Variants in TAOK3 observed in about 807,000 individuals in gnomAD.
The protein encoded by TAOK3 is serine/threonine-protein kinase TAO3.
TAOK3 carries 40 observed loss-of-function variants against 120.4 expected under a neutral mutation model. The ratio of observed to expected loss-of-function variants is 0.33; its 90% CI spans 0.26 to 0.43. The LOEUF (loss-of-function observed/expected upper bound fraction) is 0.43, where lower values mean the gene tolerates loss of function less well. Among genes scored for constraint, TAOK3 ranks in the 20% least tolerant of loss-of-function variants. The probability of loss-of-function intolerance (pLI) is 1.00; values close to 1 mark genes in which losing one functional copy is unlikely to be tolerated. For synonymous variants in TAOK3, 355 were observed against 387.5 expected (o/e 0.92, Z 0.99); for missense variants, 821 against 1,112.1 (o/e 0.74, Z 3.72).
At chr12:118,333,468 G>C (rs1448868350) in intron 1 of TAOK3, among the ~76,000 whole-genome samples, 1 of 152,162 alleles carries the variant, frequency 6.6e-6, no homozygotes, top group Non-Finnish European at 1.5e-5. Context: ...CAAAATTTGT[G>C]CAATGCAACT....
At chr12:118,275,038 G>A (rs2041857394) in intron 1 of TAOK3, among the ~76,000 whole-genome samples, 1 of 152,108 alleles carries the variant, frequency 6.6e-6, no homozygotes, top group Non-Finnish European at 1.5e-5. Context: ...TAAGAATGGT[G>A]GTGATGTGTC....
intron 4 of TAOK3, 72 bp downstream of exon 4, chr12:118,244,822 C>A: frequency 8.3e-7 from 1 of 1,203,148 alleles, no homozygotes; most frequent in Non-Finnish European, 1.2e-6. Flanking sequence ...ACCACCGCGC[C>A]CGGCCAGAAT....
intron 1 of TAOK3, among the ~76,000 whole-genome samples, chr12:118,289,068 G>A (rs1455034213): frequency 6.6e-6 from 1 of 151,908 alleles, no homozygotes; most frequent in Non-Finnish European, 1.5e-5. Flanking sequence ...GGAAGGCCAA[G>A]GCAGGTAGAT....
chr12:118,165,789 C>T (rs1302274468), intron 17 of TAOK3, among the ~76,000 whole-genome samples: 1 of 152,210 alleles, frequency 6.6e-6, no homozygotes, highest in Non-Finnish European at 1.5e-5. Context: ...TTATTTTTCT[C>T]TATTCAGAAG....
At chr12:118,367,581 G>C (rs145008762) in intron 1 of TAOK3, among the ~76,000 whole-genome samples, 61 of 151,956 alleles carry the variant, frequency 4.0e-4, no homozygotes, top group African/African-American at 1.4e-3. Context: ...TTTTAACATA[G>C]CTTACAAATA....
intron 11 of TAOK3, among the ~76,000 whole-genome samples, chr12:118,211,339 C>T (rs2038620693): frequency 6.6e-6 from 1 of 152,102 alleles, no homozygotes; most frequent in Non-Finnish European, 1.5e-5. Context: ...ATTAGATCTC[C>T]TGTGTCTTCC....
chr12:118,329,393 G>A (rs2044057677), intron 1 of TAOK3, among the ~76,000 whole-genome samples: 1 of 152,032 alleles, frequency 6.6e-6, no homozygotes, highest in African/African-American at 2.4e-5. Flanking sequence ...AATTCAAACT[G>A]ATTATCAAAC....
At chr12:118,299,837 A>T (rs1470101267) in intron 1 of TAOK3, among the ~76,000 whole-genome samples, 3 of 151,492 alleles carry the variant, frequency 2.0e-5, no homozygotes, top group East Asian at 1.9e-4. Context: ...TTTTTTTTTT[A>T]AACTTTGAGT....
chr12:118,348,357 G>A (rs968170552), intron 1 of TAOK3, among the ~76,000 whole-genome samples: 27 of 152,194 alleles, frequency 1.8e-4, no homozygotes, highest in African/African-American at 6.3e-4. Flanking sequence ...GGAGGAGGCA[G>A]TGTTAAACAC....
intron 1 of TAOK3, among the ~76,000 whole-genome samples, chr12:118,267,022 A>C (rs2041476862): frequency 6.6e-6 from 1 of 152,190 alleles, no homozygotes; most frequent in Admixed American, 6.5e-5. Flanking sequence ...GTTTGTGTCC[A>C]GGTAACTTAA....
rs112827904 is a variant in TAOK3, at chr12:118,285,044, G to C, written c.-193-18285C>G. 9.0e-3 allele frequency among the ~76,000 whole-genome samples: 1,343 copies of C among 149,810 alleles called. 20 individuals are homozygous for C. Among genetic ancestry groups the C allele is most frequent in the African/African-American group, 0.032 (1,299 of 41,000 alleles). On this transcript the variant is annotated intron_variant, in intron 1 of 20. Transcript: ENST00000392533. ...AAAATCAAGCCCCTTGTCTTTCTAT[G>C]GGAATATATATTTTTAAAAGGGAAT...
At chr12:118,170,173 G>GTTT (rs34175555) in intron 17 of TAOK3, among the ~76,000 whole-genome samples, 30 of 150,020 alleles carry the variant, frequency 2.0e-4, no homozygotes, top group Non-Finnish European at 2.4e-4. Context: ...TTCTCAAGCA[G>GTTT]TTTTTTTTTT....
chr12:118,233,225 G>A (rs2039862179), intron 9 of TAOK3, among the ~76,000 whole-genome samples: 1 of 138,646 alleles, frequency 7.2e-6, no homozygotes, highest in African/African-American at 2.7e-5. Flanking sequence ...ACACAGGAAG[G>A]GGAACATCAC....
At chr12:118,362,435 C>G (rs1352163580) in intron 1 of TAOK3, among the ~76,000 whole-genome samples, 1 of 151,898 alleles carries the variant, frequency 6.6e-6, no homozygotes, top group Non-Finnish European at 1.5e-5. Context: ...TGCATGCAGC[C>G]TGCGGGCTAT....
intron 12 of TAOK3, chr12:118,200,658 G>A (rs1051623203): frequency 1.3e-5 from 2 of 152,062 alleles, no homozygotes; most frequent in Non-Finnish European, 2.9e-5. Flanking sequence ...AAACTCAAAA[G>A]GCACGAAACT....
At chr12:118,186,613 A>G (rs17440364) in intron 14 of TAOK3, among the ~76,000 whole-genome samples, 18,333 of 152,210 alleles carry the variant, frequency 0.12, 1,203 homozygotes, top group Middle Eastern at 0.15. Context: ...CATGAGCCCA[A>G]TATGAACTTC....
At chr12:118,311,095 C>T (rs1263671992) in intron 1 of TAOK3, among the ~76,000 whole-genome samples, 1 of 152,138 alleles carries the variant, frequency 6.6e-6, no homozygotes, top group African/African-American at 2.4e-5. Context: ...AAGGTTTATA[C>T]TGGCCTTTCC....
rs1004806521 is a variant in TAOK3 at position 118,371,386 on chromosome 12, G to A, written c.-194+1262C>T. 2.6e-5 allele frequency among the ~76,000 whole-genome samples: 4 copies of A among 152,088 alleles called. No homozygotes were observed. The highest frequency in any genetic ancestry group is 2.0e-4 in the Admixed American group (3 of 15,272). On this transcript the variant is annotated intron_variant, in intron 1 of 20. Coordinates refer to ENST00000392533, the MANE Select transcript of TAOK3 (RefSeq NM_016281.4). This position sits in a 1 kb window ranked among gnomAD's most constrained non-coding sequence, Gnocchi z 5.5. ...TCTAAGGAACGAATGCGAAGCCAGC[G>A]GGCCAGTGAGAAGAGGTCAGGCCGC...
chr12:118,205,335 C>G (rs1019546283), intron 11 of TAOK3, among the ~76,000 whole-genome samples: 1 of 151,488 alleles, frequency 6.6e-6, no homozygotes, highest in Non-Finnish European at 1.5e-5. Context: ...CCACTGCACT[C>G]CAGCCTGGGT....
Sources: gnomAD v4.1 joint callset for allele counts (sites outside exome capture counted in the v4.1 genomes callset) on GRCh38, gnomAD v4.1.1 for gene constraint, Gnocchi (gnomAD v3.1) non-coding constraint, MANE v1.5 for transcripts, NCBI Gene and HGNC (gene_info 2026-07-23, HGNC 2026-07-21) for gene names.